The following DLG1 variants were observed in gnomAD, a reference collection of about 807,000 sequenced individuals.
DLG1 encodes disks large homolog 1.
A neutral mutation model predicts 123.4 loss-of-function variants in DLG1; 42 were observed. The observed-to-expected ratio is 0.34, with a 90% CI of 0.27 to 0.44. The LOEUF is 0.44. Among genes scored for constraint, DLG1 ranks in the 20% least tolerant of loss-of-function variants. The pLI is 1.00. For synonymous variants in DLG1, 317 were observed against 356.2 expected (o/e 0.89, Z 1.24); for missense variants, 942 against 1,082.6 (o/e 0.87, Z 1.82).
chr3:197,241,812 G>A (rs1279621574), intron 4 of DLG1, among the ~76,000 whole-genome samples: 2 of 151,834 alleles, frequency 1.3e-5, no homozygotes, highest in East Asian at 3.8e-4. Context: ...AAACCTCATG[G>A]TAACCACGAT....
At chr3:197,144,273 T>C (rs1360919126) in intron 6 of DLG1, among the ~76,000 whole-genome samples, 2 of 152,306 alleles carry the variant, frequency 1.3e-5, no homozygotes, top group Middle Eastern at 6.8e-3. Context: ...GCTTGGAATA[T>C]ATTTTCTTTA....
At chr3:197,192,775 T>A (rs1720329333) in intron 5 of DLG1, among the ~76,000 whole-genome samples, 1 of 152,170 alleles carries the variant, frequency 6.6e-6, no homozygotes, top group Non-Finnish European at 1.5e-5. Flanking sequence ...GGGCAGGGAC[T>A]CAAGATAATT....
In DLG1 at chr3:197,065,777, G is replaced by T; in HGVS notation, c.2131C>A (p.Pro711Thr). The T allele has an allele frequency of 6.2e-7, 1 of 1,608,768 alleles. No homozygotes were observed. The highest frequency in any genetic ancestry group is 8.5e-7 in the Non-Finnish European group (1 of 1,176,266). ...NYTRPVIILG[P>T]MKDRINDDLI... ...TCATCATTTATCCTGTCTTTCATAGGTCCCAATATGATCACTGGTCGAGTA... is the reference window on the plus strand; with the variant it reads ...TCATCATTTATCCTGTCTTTCATAGTTCCCAATATGATCACTGGTCGAGTA... The change falls in exon 21 of 25, where the codon CCT becomes ACT. Residue 711 changes from proline to threonine, a missense_variant. Pro to Thr is a conservative substitution (Grantham distance 38). Transcript: ENST00000667157.
chr3:197,052,481 AAAC>A (rs997257413), intron 23 of DLG1, among the ~76,000 whole-genome samples: 2 of 152,188 alleles, frequency 1.3e-5, no homozygotes, highest in African/African-American at 4.8e-5. Context: ...ATAAATAAAT[AAAC>A]AAAAATAAAA....
At chr3:197,224,691 T>C (rs986234498) in intron 4 of DLG1, among the ~76,000 whole-genome samples, 1 of 152,172 alleles carries the variant, frequency 6.6e-6, no homozygotes, top group Admixed American at 6.5e-5. Flanking sequence ...AAGAATTCTC[T>C]GACAAAACAA....
At chr3:197,223,523 G>T (rs1303593633) in intron 4 of DLG1, among the ~76,000 whole-genome samples, 1 of 152,262 alleles carries the variant, frequency 6.6e-6, no homozygotes, top group African/African-American at 2.4e-5. Context: ...AAAGCTCATT[G>T]CCATAAATGA....
intron 21 of DLG1, 119 bp downstream of exon 21, chr3:197,065,589 G>T: frequency 1.0e-6 from 1 of 988,030 alleles, no homozygotes; most frequent in African/African-American, 1.6e-5. Context: ...ATGGAGGATG[G>T]AAGAGTAACT....
Position 197,196,878 on chromosome 3 carries a change from C to A in DLG1, c.319-2289G>T, listed in dbSNP as rs200281088. On this transcript the variant is annotated intron_variant, in intron 4 of 24. Transcript: ENST00000667157. Reference sequence around the variant, plus strand: ...ATATATTTAAAATTTTATATAAATGCACTGTTTAAACATTTTTAAGCAACA... The same window carrying A: ...ATATATTTAAAATTTTATATAAATGAACTGTTTAAACATTTTTAAGCAACA... 1.8e-4 allele frequency among the ~76,000 whole-genome samples: 28 copies of A among 152,078 alleles called. No individual in the cohort carries two copies. In the East Asian group the frequency reaches 3.9e-3, roughly 21 times the overall value.
Position 197,101,265 on chromosome 3 carries a change from G to A in DLG1, c.1546+3638C>T, listed in dbSNP as rs562600642. Among the ~76,000 whole-genome samples the A allele has an allele frequency of 3.9e-5, 6 of 152,270 alleles. No individual in the cohort carries two copies. In the East Asian group the frequency reaches 9.6e-4, roughly 24 times the overall value. On this transcript the variant is annotated intron_variant, in intron 14 of 24. Transcript: ENST00000667157. ...ATGGAAGAGCTTATTCAACTACAAC[G>A]TAAAACGGGGATAACGGTGCTTACT...
At chr3:197,065,170 T>A in intron 22 of DLG1, 106 bp downstream of exon 22, 5 of 1,065,170 alleles carry the variant, frequency 4.7e-6, no homozygotes, top group Non-Finnish European at 6.3e-6. Flanking sequence ...AGCAAATTCA[T>A]CACATTAACA....
intron 14 of DLG1, among the ~76,000 whole-genome samples, chr3:197,100,263 G>A (rs114205713): frequency 4.6e-5 from 7 of 152,124 alleles, no homozygotes; most frequent in Non-Finnish European, 8.8e-5. Flanking sequence ...AAGTAATAAT[G>A]AAAATAAAGT....
Position 197,044,572 on chromosome 3 carries a change from A to T in DLG1, c.*51T>A. 1 of 1,302,316 alleles carries T rather than the reference A, an allele frequency of 7.7e-7. No individual in the cohort carries two copies. Among genetic ancestry groups the T allele is most frequent in the Non-Finnish European group, 1.1e-6 (1 of 906,652 alleles). 80.7% of individuals were successfully genotyped at this position (1,302,316 alleles called of 1,614,324 possible). A position where few individuals can be genotyped will look rare whatever the true frequency, so the allele number is the denominator to read the frequency against. Reference sequence around the variant, plus strand: ...AGACTCCAGAGGAAAGGGCAAAGAGATGCCAAAGAAAATGGAATTGTGGAA... The same window carrying T: ...AGACTCCAGAGGAAAGGGCAAAGAGTTGCCAAAGAAAATGGAATTGTGGAA... On this transcript the variant is annotated 3_prime_UTR_variant, in exon 25 of 25. Transcript: ENST00000667157.
intron 3 of DLG1, among the ~76,000 whole-genome samples, chr3:197,287,477 T>C (rs745933647): frequency 3.9e-5 from 6 of 152,094 alleles, no homozygotes; most frequent in East Asian, 1.9e-4. Flanking sequence ...AAGCAGTATA[T>C]TGATAAAGAA....
At chr3:197,298,905 G>A (rs116172726), upstream of DLG1, 1,299 of 255,328 alleles carry the variant, frequency 5.1e-3, 11 homozygotes, top group African/African-American at 0.025. Context: ...TCCGAGTATG[G>A]TATACTTAAG....
chr3:197,209,726 T>C (rs1377642689), intron 4 of DLG1, among the ~76,000 whole-genome samples: 1 of 146,444 alleles, frequency 6.8e-6, no homozygotes, highest in Non-Finnish European at 1.5e-5. Flanking sequence ...ATTCCTAATA[T>C]TTGAACATTA....
At chr3:197,158,512 T>C (rs1797350818) in intron 5 of DLG1, among the ~76,000 whole-genome samples, 1 of 148,304 alleles carries the variant, frequency 6.7e-6, no homozygotes, top group African/African-American at 2.5e-5. Flanking sequence ...CACATGCCTG[T>C]AATCCCAGCT....
At chr3:197,059,621 G>A (rs148660609) in intron 23 of DLG1, among the ~76,000 whole-genome samples, 647 of 29,582 alleles carry the variant, frequency 0.022, 1 homozygote, top group South Asian at 0.1. Context: ...GCTGTGCTGC[G>A]TACTTCAGTA....
At chr3:197,066,414 C>T (rs1170477132) in intron 20 of DLG1, among the ~76,000 whole-genome samples, 3 of 151,600 alleles carry the variant, frequency 2.0e-5, no homozygotes, top group Admixed American at 1.3e-4. Context: ...AAGATACTTC[C>T]AAGATTTTCA....
chr3:197,227,485 C>A (rs141221170), intron 4 of DLG1, among the ~76,000 whole-genome samples: 151 of 151,346 alleles, frequency 1.0e-3, no homozygotes, highest in Non-Finnish European at 1.8e-3. Flanking sequence ...AAAAAAAAAC[C>A]AAAAAAACAA....
Sources: gnomAD v4.1 joint callset for allele counts (sites outside exome capture counted in the v4.1 genomes callset) on GRCh38, gnomAD v4.1.1 for gene constraint, MANE v1.5 for transcripts, NCBI Gene and HGNC (gene_info 2026-07-23, HGNC 2026-07-21) for gene names.